The following CTNNA3 variants were observed in gnomAD, a reference collection of about 807,000 sequenced individuals.
CTNNA3 encodes the protein catenin alpha 3, also known as catenin alpha-3.
In CTNNA3, 76 loss-of-function variants were observed where a neutral mutation model predicts 95.7. The observed-to-expected ratio is 0.79, with a 90% CI of 0.66 to 0.96. The LOEUF (loss-of-function observed/expected upper bound fraction) is 0.96, where lower values mean the gene tolerates loss of function less well. CTNNA3 is among the 40% of genes least tolerant of loss of function. CTNNA3 has a pLI of 0.00. For synonymous variants in CTNNA3, 431 were observed against 374.4 expected, an observed-to-expected ratio of 1.15 and a Z score of -1.74; for missense variants, 1,191 against 1,089.8, an observed-to-expected ratio of 1.09 and a Z score of -1.31.
intron 13 of CTNNA3, among the ~76,000 whole-genome samples, chr10:66,113,139 CTGTGG>C (rs2082181737): frequency 6.6e-6 from 1 of 152,106 alleles, no homozygotes; most frequent in African/African-American, 2.4e-5. Context: ...CTTATCTTTT[CTGTGG>C]CTGTTGATAA....
At chr10:66,845,750 T>TAC (rs1430402942) in intron 7 of CTNNA3, among the ~76,000 whole-genome samples, 2 of 32,500 alleles carry the variant, frequency 6.2e-5, no homozygotes, top group Non-Finnish European at 1.5e-4. Flanking sequence ...GAGATATATA[T>TAC]ACATACACAC....
At chr10:66,983,928 A>C (rs548630558) in intron 7 of CTNNA3, among the ~76,000 whole-genome samples, 6 of 152,210 alleles carry the variant, frequency 3.9e-5, no homozygotes, top group African/African-American at 1.4e-4. Context: ...GCACTATGTC[A>C]TTTAATTCTT....
intron 12 of CTNNA3, among the ~76,000 whole-genome samples, chr10:66,285,561 T>C (rs888295928): frequency 3.3e-5 from 5 of 151,982 alleles, no homozygotes; most frequent in Non-Finnish European, 7.4e-5. Flanking sequence ...ATCACAGTAA[T>C]CATTTACACA....
intron 11 of CTNNA3, among the ~76,000 whole-genome samples, chr10:66,496,892 G>A (rs1840117539): frequency 6.6e-6 from 1 of 152,106 alleles, no homozygotes; most frequent in South Asian, 2.1e-4. Flanking sequence ...GAGGCTAGAA[G>A]TCTGAGATTA....
At chr10:66,949,090 T>A (rs1442477368) in intron 7 of CTNNA3, among the ~76,000 whole-genome samples, 1 of 152,228 alleles carries the variant, frequency 6.6e-6, no homozygotes, top group Non-Finnish European at 1.5e-5. Context: ...ATTTATAATC[T>A]GCATTGATAA....
chr10:66,502,498 TAAC>T (rs1840311070), intron 11 of CTNNA3, among the ~76,000 whole-genome samples: 1 of 152,134 alleles, frequency 6.6e-6, no homozygotes, highest in African/African-American at 2.4e-5. Context: ...GCATTGTAGA[TAAC>T]ACTGAAGTCC....
intron 5 of CTNNA3, among the ~76,000 whole-genome samples, chr10:67,290,045 A>G (rs1230578812): frequency 6.6e-6 from 1 of 152,028 alleles, no homozygotes; most frequent in Non-Finnish European, 1.5e-5. Flanking sequence ...GCCTCAAGTA[A>G]TCCTCCTGCC....
intron 13 of CTNNA3, among the ~76,000 whole-genome samples, chr10:66,183,871 T>C (rs989526813): frequency 3.3e-5 from 5 of 152,192 alleles, no homozygotes; most frequent in African/African-American, 9.6e-5. Context: ...TTTTTTGGCT[T>C]TTTCCAATCC....
intron 15 of CTNNA3, among the ~76,000 whole-genome samples, chr10:66,020,938 G>C (rs1331900955): frequency 6.6e-6 from 1 of 152,046 alleles, no homozygotes; most frequent in Non-Finnish European, 1.5e-5. Flanking sequence ...CTCCCAAATT[G>C]CTGGGATTAC....
At chr10:67,375,280 T>A (rs1255288929) in intron 5 of CTNNA3, among the ~76,000 whole-genome samples, 2 of 152,162 alleles carry the variant, frequency 1.3e-5, no homozygotes, top group Admixed American at 6.5e-5. Flanking sequence ...TTATTGGGTA[T>A]CACAATGAGT....
intron 15 of CTNNA3, among the ~76,000 whole-genome samples, chr10:65,998,077 A>T (rs900714586): frequency 6.6e-6 from 1 of 152,212 alleles, no homozygotes; most frequent in Non-Finnish European, 1.5e-5. Flanking sequence ...GAGTCATGTT[A>T]TCTTGGTTCC....
intron 13 of CTNNA3, among the ~76,000 whole-genome samples, chr10:66,210,106 T>C (rs770115561): frequency 6.6e-6 from 1 of 152,020 alleles, no homozygotes; most frequent in Admixed American, 6.6e-5. Context: ...GGTTAATTTT[T>C]AATTGACCAT....
At chr10:67,512,593 G>A (rs1839671368) in intron 5 of CTNNA3, among the ~76,000 whole-genome samples, 2 of 151,824 alleles carry the variant, frequency 1.3e-5, no homozygotes, top group Admixed American at 1.3e-4. Context: ...TGTACTTTCT[G>A]TATTGTTTGT....
chr10:67,296,721 G>A (rs1163475105), intron 5 of CTNNA3, among the ~76,000 whole-genome samples: 1 of 151,834 alleles, frequency 6.6e-6, no homozygotes, highest in Non-Finnish European at 1.5e-5. Context: ...AACACCTGAG[G>A]TCAGGAGTTC....
intron 13 of CTNNA3, among the ~76,000 whole-genome samples, chr10:66,210,407 T>C (rs2088067747): frequency 1.3e-5 from 2 of 151,684 alleles, no homozygotes; most frequent in African/African-American, 4.8e-5. Flanking sequence ...CATTGAGAAA[T>C]AAGGGAGTAC....
At chr10:67,761,739 G>T (rs1841462598) in intron 1 of CTNNA3, among the ~76,000 whole-genome samples, 5 of 152,016 alleles carry the variant, frequency 3.3e-5, no homozygotes, top group Admixed American at 2.0e-4. Context: ...TTACCCAGGC[G>T]TGGTGGCAGG....
At chr10:67,417,402 T>G (rs1481743102) in intron 5 of CTNNA3, among the ~76,000 whole-genome samples, 1 of 152,086 alleles carries the variant, frequency 6.6e-6, no homozygotes, top group East Asian at 1.9e-4. Context: ...CATGCAATAT[T>G]CCCATGTAAC....
At chr10:66,402,175 A>G (rs1333794895) in intron 11 of CTNNA3, among the ~76,000 whole-genome samples, 1 of 152,200 alleles carries the variant, frequency 6.6e-6, no homozygotes, top group African/African-American at 2.4e-5. Flanking sequence ...TTCAAGGAAC[A>G]TAAGAAAGTA....
At chr10:66,073,209 C>T (rs1023183852) in intron 14 of CTNNA3, among the ~76,000 whole-genome samples, 2 of 152,102 alleles carry the variant, frequency 1.3e-5, no homozygotes, top group African/African-American at 4.8e-5. Context: ...ATCTATTATA[C>T]AACATGGTGA....
Sources: gnomAD v4.1 joint callset for allele counts (sites outside exome capture counted in the v4.1 genomes callset) on GRCh38, gnomAD v4.1.1 for gene constraint, MANE v1.5 for transcripts, NCBI Gene and HGNC (gene_info 2026-07-23, HGNC 2026-07-21) for gene names.